Variants in DNAH14 observed in about 807,000 individuals in gnomAD.
DNAH14 encodes dynein axonemal heavy chain 14.
DNAH14 carries 478 observed loss-of-function variants against 520.9 expected under a neutral mutation model. That is an observed-to-expected ratio of 0.92 (90% CI 0.85 to 0.99). The LOEUF is 0.99. Ranked by LOEUF, DNAH14 falls within the 50% of genes least tolerant of loss-of-function variation. The pLI is 0.00. For missense variants in DNAH14, 4,831 were observed against 5,234.5 expected (o/e 0.92, Z 2.38); for synonymous variants, 1,581 against 1,757.2 (o/e 0.90, Z 2.51).
At chr1:225,120,206 A>C (rs1307608495) in intron 26 of DNAH14, among the ~76,000 whole-genome samples, 2 of 152,158 alleles carry the variant, frequency 1.3e-5, no homozygotes, top group Non-Finnish European at 2.9e-5. Context: ...TGGAGATGGA[A>C]TCATAGCGGG....
chr1:225,376,732 A>AT (rs1331669108), intron 78 of DNAH14, among the ~76,000 whole-genome samples: 2 of 152,008 alleles, frequency 1.3e-5, no homozygotes, highest in Non-Finnish European at 2.9e-5. Flanking sequence ...CTGTTATTTG[A>AT]TTTTTCCCTC....
chr1:225,194,360 A>G (rs1267353613), intron 38 of DNAH14, among the ~76,000 whole-genome samples: 2 of 152,168 alleles, frequency 1.3e-5, no homozygotes, highest in Admixed American at 6.6e-5. Flanking sequence ...ATAATACTGC[A>G]CACTTACAAC....
intron 27 of DNAH14, among the ~76,000 whole-genome samples, chr1:225,125,182 G>A (rs1403187090): frequency 6.6e-6 from 1 of 152,124 alleles, no homozygotes; most frequent in Non-Finnish European, 1.5e-5. Context: ...AATTCTTAAG[G>A]GTCCTAGGAT....
Position 225,289,734 on chromosome 1 carries a change from A to G in DNAH14, c.8272-151A>G, listed in dbSNP as rs1273693074. ...AAAATTTTGATAAAATATTTAAATTATGTTTAATATGACTCCCAAAAGGTT... is the reference window on the plus strand; with the variant it reads ...AAAATTTTGATAAAATATTTAAATTGTGTTTAATATGACTCCCAAAAGGTT... On this transcript the variant is annotated intron_variant, in intron 54 of 85. Coordinates refer to ENST00000682510, the MANE Select transcript of DNAH14 (RefSeq NM_001367479.1). The G allele has an allele frequency of 1.1e-5, 5 of 465,916 alleles. No individual in the cohort carries two copies. In the Admixed American group the frequency reaches 2.2e-4, roughly 20 times the overall value. 28.9% of individuals were successfully genotyped at this position (465,916 alleles called of 1,614,324 possible).
intron 55 of DNAH14, among the ~76,000 whole-genome samples, chr1:225,294,251 A>T (rs910540229): frequency 6.6e-6 from 1 of 152,044 alleles, no homozygotes; most frequent in Admixed American, 6.6e-5. Context: ...ATTGATTTGC[A>T]TATCTGGAAC....
Position 225,043,934 on chromosome 1 carries a change from G to A in DNAH14, c.1863G>A (p.Glu621=). 6.6e-7 allele frequency: 1 copy of A among 1,525,150 alleles called. No homozygotes were observed. The allele number at this position is 1,525,150 out of a possible 1,614,324, so 94.5% of individuals were successfully genotyped here. A position where few individuals can be genotyped will look rare whatever the true frequency, so the allele number is the denominator to read the frequency against. ...TCTTTATAGATCCCAACAGATTGGA[G>A]TTTTCAGTAAAAATTCAAAATATGT... ...TNLFIDPNRL[E]FSVKIQNMLT... The change falls in exon 15 of 86, where the codon GAG becomes GAA. Residue 621 remains glutamate (E), a synonymous_variant. Transcript: ENST00000682510.
intron 38 of DNAH14, among the ~76,000 whole-genome samples, chr1:225,202,330 G>A (rs2086948900): frequency 6.6e-6 from 1 of 152,198 alleles, no homozygotes; most frequent in African/African-American, 2.4e-5. Context: ...GGCTAGGCGT[G>A]TCTGAGCTCA....
chr1:225,258,243 T>C (rs995715947), intron 45 of DNAH14, 125 bp downstream of exon 45: 1 of 920,936 alleles, frequency 1.1e-6, no homozygotes, highest in African/African-American at 1.8e-5. Context: ...GTTACTATAT[T>C]AATTTATTTT....
intron 55 of DNAH14, among the ~76,000 whole-genome samples, chr1:225,290,653 A>G (rs13376021): frequency 3.8e-3 from 122 of 32,496 alleles, no homozygotes; most frequent in Middle Eastern, 0.031. Flanking sequence ...GTGTGTATAT[A>G]TATATATATA....
intron 38 of DNAH14, among the ~76,000 whole-genome samples, chr1:225,193,531 A>T (rs2085720939): frequency 6.6e-6 from 1 of 152,106 alleles, no homozygotes; most frequent in African/African-American, 2.4e-5. Flanking sequence ...CTCAAAGAAT[A>T]AGAATAAATA....
intron 36 of DNAH14, among the ~76,000 whole-genome samples, chr1:225,170,354 T>A (rs2082486170): frequency 6.6e-6 from 1 of 152,132 alleles, no homozygotes; most frequent in African/African-American, 2.4e-5. Flanking sequence ...GACCCATCAG[T>A]GTGCTGTATT....
At chr1:225,376,511 T>G (rs796799016) in intron 78 of DNAH14, among the ~76,000 whole-genome samples, 14 of 152,358 alleles carry the variant, frequency 9.2e-5, no homozygotes, top group African/African-American at 3.4e-4. Context: ...ACATTAAGTA[T>G]GCACTAAGAG....
At chr1:225,219,743 G>C (rs988348516) in intron 41 of DNAH14, among the ~76,000 whole-genome samples, 2 of 152,146 alleles carry the variant, frequency 1.3e-5, no homozygotes, top group African/African-American at 4.8e-5. Flanking sequence ...AGAGGAGCTA[G>C]AACCATTTTT....
chr1:225,024,015 CTTA>C (rs2065910603), intron 11 of DNAH14, 150 bp downstream of exon 11: 5 of 1,369,572 alleles, frequency 3.7e-6, no homozygotes, highest in African/African-American at 2.9e-5. Context: ...ATTAACAGAA[CTTA>C]TTATTTGGTA....
At position 225,104,834 on chromosome 1, in the gene DNAH14, C is replaced by T. The variant is rs184738336; in HGVS notation, c.3867+3950C>T. Among the ~76,000 whole-genome samples the T allele has an allele frequency of 2.1e-3, 320 of 152,152 alleles. 1 individual carries two copies. The highest frequency in any genetic ancestry group is 7.4e-3 in the African/African-American group (306 of 41,508). ...AATTTTGTTGATCTTTTCAAAAAAC[C>T]AGCTCCTAGATTCATTGATTTTTTG... On this transcript the variant is annotated intron_variant, in intron 23 of 85. Coordinates refer to ENST00000682510, the MANE Select transcript of DNAH14 (RefSeq NM_001367479.1).
chr1:225,262,429 C>T (rs999241579), intron 46 of DNAH14, among the ~76,000 whole-genome samples: 1 of 151,962 alleles, frequency 6.6e-6, no homozygotes, highest in Non-Finnish European at 1.5e-5. Flanking sequence ...GGCCAATGTC[C>T]AGAAGAGTTT....
At chr1:224,959,129 C>CA (rs2060692932) in intron 3 of DNAH14, among the ~76,000 whole-genome samples, 1 of 152,022 alleles carries the variant, frequency 6.6e-6, no homozygotes, top group Admixed American at 6.6e-5. Flanking sequence ...GTAGAGAGGT[C>CA]AGAGAAATTC....
chr1:225,051,638 A>G lies in DNAH14; in HGVS notation c.2267A>G (p.His756Arg). 2 of 1,551,200 alleles carry G rather than the reference A, an allele frequency of 1.3e-6. No homozygotes were observed. Among genetic ancestry groups the G allele is most frequent in the African/African-American group, 2.7e-5 (2 of 73,164 alleles). The change falls in exon 17 of 86, where the codon CAT (histidine) becomes CGT (arginine). Residue 756 changes from histidine (H) to arginine (R), a missense_variant. Coordinates refer to ENST00000682510, the MANE Select transcript of DNAH14 (RefSeq NM_001367479.1). ...ILNRFRNYFR[H>R]IVNMAIEKRI... ...AATAGATTCAGAAACTATTTTAGAC[A>G]TATTGTGAATATGGCCATTGAGAAG...
intron 26 of DNAH14, among the ~76,000 whole-genome samples, chr1:225,121,744 G>A (rs1290962718): frequency 1.3e-5 from 2 of 152,066 alleles, no homozygotes; most frequent in African/African-American, 4.8e-5. Flanking sequence ...GGGAGGCTGA[G>A]GCAGGAGAAT....
Sources: allele counts gnomAD v4.1 joint callset (sites outside exome capture counted in the v4.1 genomes callset), GRCh38; gene constraint gnomAD v4.1.1; transcripts MANE v1.5; gene names NCBI Gene and HGNC (gene_info 2026-07-23, HGNC 2026-07-21).